The following ADAM12 variants were observed in gnomAD, a reference collection of about 807,000 sequenced individuals.
ADAM12 encodes disintegrin and metalloproteinase domain-containing protein 12.
ADAM12 carries 70 observed loss-of-function variants against 106.4 expected under a neutral mutation model. The observed-to-expected ratio is 0.66, with a 90% confidence interval of 0.54 to 0.80. ADAM12 has a LOEUF of 0.80. Ranked by LOEUF, ADAM12 falls within the 30% of genes least tolerant of loss-of-function variation. ADAM12 has a pLI of 0.00. For missense variants in ADAM12, 1,010 were observed against 1,171.9 expected, an observed-to-expected ratio of 0.86 and a Z score of 2.02; for synonymous variants, 420 against 433.5, an observed-to-expected ratio of 0.97 and a Z score of 0.39.
intron 1 of ADAM12, among the ~76,000 whole-genome samples, chr10:126,370,605 G>A (rs1386590298): frequency 6.6e-6 from 1 of 152,064 alleles, no homozygotes; most frequent in African/African-American, 2.4e-5. Flanking sequence ...CAAGTTCCTG[G>A]GATTCACACA....
chr10:126,288,335 G>T (rs1019328596), intron 2 of ADAM12, among the ~76,000 whole-genome samples: 9 of 152,178 alleles, frequency 5.9e-5, no homozygotes, highest in Non-Finnish European at 2.9e-5. Flanking sequence ...AATGACCAAT[G>T]AATGCATGTT....
intron 16 of ADAM12, among the ~76,000 whole-genome samples, chr10:126,047,973 T>A (rs1252324156): frequency 6.6e-6 from 1 of 152,146 alleles, no homozygotes; most frequent in Non-Finnish European, 1.5e-5. Context: ...TAAAAAAGAA[T>A]GAGATCATGT....
chr10:126,125,299 C>T (rs1183882533), intron 5 of ADAM12, among the ~76,000 whole-genome samples: 1 of 140,766 alleles, frequency 7.1e-6, no homozygotes, highest in Non-Finnish European at 1.5e-5. Context: ...GGCTACAGTA[C>T]AGTGGCGTGA....
At chr10:126,047,377 G>C (rs1954355722) in intron 16 of ADAM12, among the ~76,000 whole-genome samples, 1 of 152,134 alleles carries the variant, frequency 6.6e-6, no homozygotes, top group African/African-American at 2.4e-5. Context: ...CAAGGGGATG[G>C]TCACATTCCA....
intron 3 of ADAM12, among the ~76,000 whole-genome samples, chr10:126,247,368 T>G (rs1958650950): frequency 6.6e-6 from 1 of 152,208 alleles, no homozygotes; most frequent in Non-Finnish European, 1.5e-5. Flanking sequence ...TCCACTCAAG[T>G]GCAATGTCAA....
intron 1 of ADAM12, among the ~76,000 whole-genome samples, chr10:126,356,457 C>T (rs1197155161): frequency 6.6e-6 from 1 of 152,136 alleles, no homozygotes; most frequent in African/African-American, 2.4e-5. Flanking sequence ...TACCAATTGG[C>T]CCATCCGGAA....
chr10:126,103,841 T>G (rs934077791), intron 8 of ADAM12, among the ~76,000 whole-genome samples: 1 of 152,240 alleles, frequency 6.6e-6, no homozygotes, highest in Non-Finnish European at 1.5e-5. Flanking sequence ...TCTTGCCTCT[T>G]GCTGTGGGCT....
intron 14 of ADAM12, among the ~76,000 whole-genome samples, chr10:126,050,633 A>G (rs1954457257): frequency 6.6e-6 from 1 of 152,180 alleles, no homozygotes. Flanking sequence ...TTGCTTTCCA[A>G]GGTGACAACG....
At chr10:126,313,582 G>A (rs1407944757) in intron 2 of ADAM12, among the ~76,000 whole-genome samples, 4 of 151,596 alleles carry the variant, frequency 2.6e-5, no homozygotes, top group East Asian at 1.9e-4. Context: ...AACACCACCT[G>A]CTTCAAGGTG....
At chr10:126,172,229 T>C (rs1957132156) in intron 3 of ADAM12, among the ~76,000 whole-genome samples, 1 of 152,228 alleles carries the variant, frequency 6.6e-6, no homozygotes, top group Admixed American at 6.5e-5. Context: ...GTGGAGTTAC[T>C]GTTCTTTATC....
At chr10:126,233,682 G>A (rs535210035) in intron 3 of ADAM12, among the ~76,000 whole-genome samples, 2 of 152,268 alleles carry the variant, frequency 1.3e-5, no homozygotes, top group African/African-American at 2.4e-5. Flanking sequence ...TTCTGCACTC[G>A]TGGGAGTGCT....
intron 3 of ADAM12, among the ~76,000 whole-genome samples, chr10:126,182,112 C>T (rs546053641): frequency 1.4e-4 from 22 of 152,334 alleles, no homozygotes; most frequent in Admixed American, 2.6e-4. Context: ...ACGTATGGCA[C>T]GCCAGGTAAC....
intron 11 of ADAM12, among the ~76,000 whole-genome samples, chr10:126,081,717 G>A (rs550613455): frequency 5.3e-5 from 8 of 152,186 alleles, no homozygotes; most frequent in Non-Finnish European, 7.3e-5. Flanking sequence ...GAGGCTAAAC[G>A]AGCTTCAAAC....
At chr10:126,129,320 G>C (rs903673923) in intron 5 of ADAM12, among the ~76,000 whole-genome samples, 1 of 152,244 alleles carries the variant, frequency 6.6e-6, no homozygotes, top group East Asian at 1.9e-4. Flanking sequence ...CTCCAGCCAG[G>C]AGCTGAAGCA....
Position 126,388,107 on chromosome 10 carries a change from G to T in ADAM12, c.39C>A (p.Ala13=). The change falls in exon 1 of 23, where the codon GCC becomes GCA. Residue 13 remains alanine (A), a synonymous_variant. Coordinates refer to ENST00000448723, the MANE Select transcript of ADAM12 (RefSeq NM_001288973.2). This position sits in a 1 kb window ranked among gnomAD's most constrained non-coding sequence, Gnocchi z 4.4. ...ARPLPVSPAR[A]LLLALAGALL... ...GAGCACCGGCCAGGGCGAGCAGGAG[G>T]GCGCGGGCGGGGGACACGGGCAGCG... is the stretch of plus-strand genomic sequence containing the variant. The T allele has an allele frequency of 8.1e-7, 1 of 1,228,482 alleles. No individual in the cohort carries two copies. Among genetic ancestry groups the T allele is most frequent in the East Asian group, 3.2e-5 (1 of 30,926 alleles). The allele number at this position is 1,228,482 out of a possible 1,614,324, so 76.1% of individuals were successfully genotyped here.
rs1954833936 is a variant in ADAM12, at chr10:126,064,863, A to G, written c.1552T>C (p.Cys518Arg). Residue 518 changes from cysteine (C) to arginine (R), a missense_variant, in exon 14 of 23, where the codon TGC becomes CGC. Physicochemically the swap from Cys to Arg is radical, Grantham distance 180. Around this residue, in one of 3 missense-constraint regions of ADAM12, gnomAD observed 615 missense variants for 708.5 expected, o/e 0.87. Transcript: ENST00000448723. The surrounding 1 kb of genome is among the most constrained non-coding windows in gnomAD (Gnocchi z 4.4). ...TGAGTCTGGCAGATGCCATTGTAGC[A>G]GTAGCCGTCCACATCCTGACATGAG... The part of the protein sequence containing the change: ...GHSCQDVDGY[C>R]YNGICQTHEQ... The G allele has an allele frequency of 1.2e-6, 2 of 1,612,524 alleles. No homozygotes were observed. The highest frequency in any genetic ancestry group is 1.7e-6 in the Non-Finnish European group (2 of 1,179,460).
intron 17 of ADAM12, among the ~76,000 whole-genome samples, chr10:126,044,866 G>C (rs1048865828): frequency 2.6e-5 from 4 of 152,206 alleles, no homozygotes; most frequent in Admixed American, 6.5e-5. Context: ...TGCTGTGGAC[G>C]TACTAGCCCC....
chr10:126,215,305 G>A (rs191595178), intron 3 of ADAM12, among the ~76,000 whole-genome samples: 10 of 152,248 alleles, frequency 6.6e-5, no homozygotes, highest in East Asian at 1.9e-4. Flanking sequence ...GTACATCCTC[G>A]GCACAGGGAC....
At chr10:126,116,345 AG>A (rs2133616746) in intron 6 of ADAM12, among the ~76,000 whole-genome samples, 1 of 152,326 alleles carries the variant, frequency 6.6e-6, no homozygotes, top group Non-Finnish European at 1.5e-5. Context: ...TGACCGGTAA[AG>A]CTACAGCTTA....
Sources: gnomAD v4.1 joint callset for allele counts (sites outside exome capture counted in the v4.1 genomes callset) on GRCh38, gnomAD v4.1.1 for gene constraint, gnomAD v4.1.1 regional missense constraint, Gnocchi (gnomAD v3.1) non-coding constraint, MANE v1.5 for transcripts, NCBI Gene and HGNC (gene_info 2026-07-23, HGNC 2026-07-21) for gene names.